ACTR3C: variants seen among roughly 807,000 people sequenced by gnomAD.
The protein encoded by ACTR3C is actin related protein 3C, also known as actin-related protein 3C.
In ACTR3C, 18 loss-of-function variants were observed where a neutral mutation model predicts 26.3. The observed-to-expected ratio is 0.68, with a 90% CI of 0.47 to 1.01. The LOEUF is 1.01. ACTR3C is among the 50% of genes least tolerant of loss of function. The pLI is 0.00. For missense variants in ACTR3C, 184 were observed against 250.7 expected (o/e 0.73, Z 1.80); for synonymous variants, 55 against 94.5 (o/e 0.58, Z 2.42).
the ACTR3C span, among the ~76,000 whole-genome samples, chr7:150,090,162 G>A: frequency 6.6e-6 from 1 of 152,198 alleles, no homozygotes; most frequent in Non-Finnish European, 1.5e-5. Flanking sequence ...TAATTCATGA[G>A]AAAGCATTTG....
chr7:150,144,954 G>A, the ACTR3C span, among the ~76,000 whole-genome samples: 1 of 151,378 alleles, frequency 6.6e-6, no homozygotes, highest in Non-Finnish European at 1.5e-5. The surrounding 1 kb of genome is among the most constrained non-coding windows in gnomAD (Gnocchi z 4.6). Flanking sequence ...GACGGCTGAA[G>A]CAGGAGAATT....
At chr7:149,885,182 C>A in the ACTR3C span, among the ~76,000 whole-genome samples, 1 of 152,248 alleles carries the variant, frequency 6.6e-6, no homozygotes, top group East Asian at 1.9e-4. Flanking sequence ...AGGGAAACAC[C>A]CCTACCATTG....
At chr7:150,280,250 A>T (rs1835211968) in intron 6 of ACTR3C, among the ~76,000 whole-genome samples, 1 of 152,126 alleles carries the variant, frequency 6.6e-6, no homozygotes, top group African/African-American at 2.4e-5. Context: ...TCCTGGATGA[A>T]GCCCACGGTG....
chr7:150,277,473 A>G (rs1834972985), intron 6 of ACTR3C, among the ~76,000 whole-genome samples: 1 of 152,114 alleles, frequency 6.6e-6, no homozygotes. Flanking sequence ...TCCCTTGGTG[A>G]CATCCATTTG....
the ACTR3C span, among the ~76,000 whole-genome samples, chr7:149,945,221 G>A: frequency 2.0e-5 from 3 of 151,956 alleles, no homozygotes; most frequent in South Asian, 4.2e-4. Context: ...AGCTGCAGTC[G>A]AATGCCATCT....
chr7:149,910,464 G>T, the ACTR3C span, among the ~76,000 whole-genome samples: 3 of 152,026 alleles, frequency 2.0e-5, no homozygotes, highest in Non-Finnish European at 2.9e-5. Context: ...AATATAAAAG[G>T]GGGGGTGGTG....
At chr7:150,188,238 T>C in the ACTR3C span, among the ~76,000 whole-genome samples, 1 of 152,220 alleles carries the variant, frequency 6.6e-6, no homozygotes, top group African/African-American at 2.4e-5. Flanking sequence ...TTGTGGCTTT[T>C]TTCACTTAGC....
the ACTR3C span, among the ~76,000 whole-genome samples, chr7:150,053,138 G>A: frequency 6.8e-6 from 1 of 147,422 alleles, no homozygotes; most frequent in South Asian, 2.3e-4. Context: ...GCTTCCCAAG[G>A]CTCTTAGGTT....
the ACTR3C span, among the ~76,000 whole-genome samples, chr7:149,966,157 C>G: frequency 6.6e-6 from 1 of 152,296 alleles, no homozygotes; most frequent in South Asian, 2.1e-4. Flanking sequence ...TATTGTGGAG[C>G]TGCAGGCTGA....
At chr7:150,230,030 G>T in the ACTR3C span, among the ~76,000 whole-genome samples, 1 of 150,178 alleles carries the variant, frequency 6.7e-6, no homozygotes, top group African/African-American at 2.5e-5. Context: ...TTCGAGACCA[G>T]CCTGACCAAC....
At chr7:149,982,134 G>A in the ACTR3C span, among the ~76,000 whole-genome samples, 2 of 152,126 alleles carry the variant, frequency 1.3e-5, no homozygotes, top group African/African-American at 2.4e-5. Context: ...CTCTATGATC[G>A]GTTGACTGAG....
At chr7:149,913,772 C>T in the ACTR3C span, among the ~76,000 whole-genome samples, 33 of 151,318 alleles carry the variant, frequency 2.2e-4, no homozygotes, top group Admixed American at 2.1e-3. Flanking sequence ...TGCAAGCTTC[C>T]TCACTGTCAC....
the ACTR3C span, among the ~76,000 whole-genome samples, chr7:150,126,811 G>A: frequency 5.9e-5 from 9 of 152,202 alleles, no homozygotes; most frequent in African/African-American, 1.9e-4. Flanking sequence ...TCTGTGGTAT[G>A]TTCACGGTTG....
chr7:150,267,709 A>T (rs1161504893), intron 6 of ACTR3C, among the ~76,000 whole-genome samples: 1 of 152,214 alleles, frequency 6.6e-6, no homozygotes, highest in Non-Finnish European at 1.5e-5. Context: ...AGGGTGTGGT[A>T]CCATCTACAG....
chr7:149,993,952 T>C, the ACTR3C span, among the ~76,000 whole-genome samples: 6 of 152,150 alleles, frequency 3.9e-5, no homozygotes, highest in East Asian at 9.6e-4. Context: ...AGTGGCCTGA[T>C]TTTAGAGAAC....
At chr7:150,232,231 A>C in the ACTR3C span, among the ~76,000 whole-genome samples, 1 of 152,150 alleles carries the variant, frequency 6.6e-6, no homozygotes, top group African/African-American at 2.4e-5. Context: ...TATTTCTTAA[A>C]ACCTTTACTT....
chr7:150,038,090 C>T, the ACTR3C span, among the ~76,000 whole-genome samples: 1 of 141,398 alleles, frequency 7.1e-6, no homozygotes, highest in Non-Finnish European at 1.6e-5. Flanking sequence ...GGGTGCCTCC[C>T]CCCCTGTGAT....
At chr7:150,172,802 A>G in the ACTR3C span, among the ~76,000 whole-genome samples, 1 of 150,824 alleles carries the variant, frequency 6.6e-6, no homozygotes, top group East Asian at 1.9e-4. Flanking sequence ...TCCAAATGGG[A>G]GAAATTGGCC....
At chr7:150,169,552 C>G in the ACTR3C span, among the ~76,000 whole-genome samples, 1 of 150,268 alleles carries the variant, frequency 6.7e-6, no homozygotes, top group South Asian at 2.1e-4. Context: ...GCTTCCAGAA[C>G]TGTGGGAAAA....
Sources: allele counts gnomAD v4.1 joint callset (sites outside exome capture counted in the v4.1 genomes callset), GRCh38; gene constraint gnomAD v4.1.1; non-coding constraint Gnocchi (gnomAD v3.1); transcripts MANE v1.5; gene names NCBI Gene and HGNC (gene_info 2026-07-23, HGNC 2026-07-21).